The following MFSD6 variants were observed in gnomAD, a reference collection of about 807,000 sequenced individuals.
MFSD6 encodes major facilitator superfamily domain-containing protein 6.
MFSD6 carries 26 observed loss-of-function variants against 56.3 expected under a neutral mutation model. The ratio of observed to expected loss-of-function variants is 0.46; its 90% CI spans 0.34 to 0.64. The LOEUF (loss-of-function observed/expected upper bound fraction) is 0.64, where lower values mean the gene tolerates loss of function less well. Ranked by LOEUF, MFSD6 falls within the 30% of genes least tolerant of loss-of-function variation. The pLI, the probability that MFSD6 is intolerant of heterozygous loss-of-function variation, is 0.01. For synonymous variants in MFSD6, 331 were observed against 366.9 expected, an observed-to-expected ratio of 0.90 and a Z score of 1.12; for missense variants, 750 against 986.2, an observed-to-expected ratio of 0.76 and a Z score of 3.21.
intron 4 of MFSD6, among the ~76,000 whole-genome samples, chr2:190,478,861 T>G (rs1688495893): frequency 6.6e-6 from 1 of 151,828 alleles, no homozygotes; most frequent in Non-Finnish European, 1.5e-5. Context: ...AAAGTCTGTC[T>G]CTTTATCCTA....
rs990946252 is a variant in MFSD6, at chr2:190,424,870, T to G, written c.-54+9457T>G. 2.0e-5 allele frequency among the ~76,000 whole-genome samples: 3 copies of G among 152,244 alleles called. No homozygotes were observed. The South Asian group carries it at 6.2e-4, about 32-fold the overall frequency. ...TCTTTTTCAAAACTGCTTTAGCTAT[T>G]CGTTTCTTTCCTTTTCTGTATAAAT... On this transcript the variant is annotated intron_variant, in intron 2 of 7. Coordinates refer to ENST00000392328, the MANE Select transcript of MFSD6 (RefSeq NM_017694.4). The surrounding 1 kb of genome is among the most constrained non-coding windows in gnomAD (Gnocchi z 5.9).
rs553660736 is a variant in MFSD6, at chr2:190,428,347, A to G, written c.-53-7630A>G. 6.6e-5 allele frequency among the ~76,000 whole-genome samples: 10 copies of G among 152,310 alleles called. No homozygotes were observed. In the East Asian group the frequency reaches 1.7e-3, roughly 26 times the overall value. On this transcript the variant is annotated intron_variant, in intron 2 of 7. Transcript: ENST00000392328. ...AATATACATATCTTTTGGTTGTCAT[A>G]GGGTCTTACACTCAGGATTAGTAGC...
intron 4 of MFSD6, among the ~76,000 whole-genome samples, chr2:190,480,581 C>G (rs985920136): frequency 6.6e-6 from 1 of 152,216 alleles, no homozygotes; most frequent in Non-Finnish European, 1.5e-5. Flanking sequence ...CTTATACCCT[C>G]ACCTCACTCT....
Position 190,454,961 on chromosome 2 carries a change from T to C in MFSD6, c.1533-14797T>C, listed in dbSNP as rs1000177605. On this transcript the variant is annotated intron_variant, in intron 3 of 7. Coordinates refer to ENST00000392328, the MANE Select transcript of MFSD6 (RefSeq NM_017694.4). This position sits in a 1 kb window ranked among gnomAD's most constrained non-coding sequence, Gnocchi z 4.6. ...GTATATGTATATGTATATGTATATG[T>C]ATATGTATATGTATATGTATATGTA... Among the ~76,000 whole-genome samples, 3 of 109,248 alleles carry C rather than the reference T, an allele frequency of 2.7e-5. No individual in the cohort carries two copies. Among genetic ancestry groups the C allele is most frequent in the Non-Finnish European group, 6.6e-5 (3 of 45,760 alleles). 71.7% of individuals were successfully genotyped at this position (109,248 alleles called of 152,430 possible). A position where few individuals can be genotyped will look rare whatever the true frequency, so the allele number is the denominator to read the frequency against.
rs1188819614 is a variant in MFSD6, at chr2:190,436,944, T to C, written c.915T>C (p.Ser305=). The C allele has an allele frequency of 6.2e-7, 1 of 1,614,228 alleles. No individual in the cohort carries two copies. Among genetic ancestry groups the C allele is most frequent in the Admixed American group, 1.7e-5 (1 of 60,028 alleles). The part of the protein sequence containing the change: ...VIIGEFFSAS[S]VTIVDTVTLQ... ...TAGGAGAATTTTTCAGTGCCTCTTCTGTCACAATCGTAGACACGGTCACAC... is the reference window on the plus strand; with the variant it reads ...TAGGAGAATTTTTCAGTGCCTCTTCCGTCACAATCGTAGACACGGTCACAC... The change falls in exon 3 of 8, where the codon TCT becomes TCC. Residue 305 remains serine, a synonymous_variant. Transcript: ENST00000392328. The surrounding 1 kb of genome is among the most constrained non-coding windows in gnomAD (Gnocchi z 5.3).
chr2:190,474,953 C>T (rs1159758632), intron 4 of MFSD6, among the ~76,000 whole-genome samples: 12 of 152,256 alleles, frequency 7.9e-5, no homozygotes, highest in Non-Finnish European at 1.5e-5. Context: ...TAAACAGAAC[C>T]AAAGACAAAA....
intron 3 of MFSD6, among the ~76,000 whole-genome samples, chr2:190,449,063 G>T (rs1686681563): frequency 2.6e-5 from 4 of 152,176 alleles, no homozygotes; most frequent in African/African-American, 9.7e-5. Flanking sequence ...CATATTGTCT[G>T]TCTATATTTT....
Position 190,494,867 on chromosome 2 carries a change from T to C in MFSD6, c.1892-2572T>C, listed in dbSNP as rs986593466. On this transcript the variant is annotated intron_variant, in intron 6 of 7. Transcript: ENST00000392328. The surrounding 1 kb of genome is among the most constrained non-coding windows in gnomAD (Gnocchi z 5.7). ...ACATAACACAGTGAAATAAAAGCCA[T>C]TTGTGATAAACCCACAGCCAACATA... 6.6e-6 allele frequency among the ~76,000 whole-genome samples: 1 copy of C among 152,128 alleles called. No individual in the cohort carries two copies. Among genetic ancestry groups the C allele is most frequent in the Non-Finnish European group, 1.5e-5 (1 of 68,000 alleles).
chr2:190,435,701 C>T (rs371340919), intron 2 of MFSD6, among the ~76,000 whole-genome samples: 43 of 152,296 alleles, frequency 2.8e-4, no homozygotes, highest in African/African-American at 3.1e-4. Flanking sequence ...TGTACATTTT[C>T]CCTGGGAATC....
intron 4 of MFSD6, among the ~76,000 whole-genome samples, chr2:190,476,291 T>A (rs1351174296): frequency 6.6e-6 from 1 of 151,832 alleles, no homozygotes; most frequent in Non-Finnish European, 1.5e-5. Flanking sequence ...TGGGAGAAAA[T>A]TTTTGCAATC....
chr2:190,496,122 C>T lies in MFSD6; in HGVS notation c.1892-1317C>T, dbSNP rs113167729. On this transcript the variant is annotated intron_variant, in intron 6 of 7. Transcript: ENST00000392328. This position sits in a 1 kb window ranked among gnomAD's most constrained non-coding sequence, Gnocchi z 4.7. ...AAGGACTAATATCCAGAATCTATGACGAACTCAAACAAATTAGCAAGAAAA... is the reference window on the plus strand; with the variant it reads ...AAGGACTAATATCCAGAATCTATGATGAACTCAAACAAATTAGCAAGAAAA... 1.5e-4 allele frequency among the ~76,000 whole-genome samples: 23 copies of T among 151,286 alleles called. No homozygotes were observed. In the East Asian group the frequency reaches 4.1e-3, roughly 27 times the overall value.
At position 190,432,696 on chromosome 2, in the gene MFSD6, C is replaced by T. The variant is rs537513921; in HGVS notation, c.-53-3281C>T. Reference sequence around the variant, plus strand: ...CCTCCTAAAGTGCTTGAATTACAGGCGTGAGCCACCGCACCTGGCCAAAAT... The same window carrying T: ...CCTCCTAAAGTGCTTGAATTACAGGTGTGAGCCACCGCACCTGGCCAAAAT... On this transcript the variant is annotated intron_variant, in intron 2 of 7. Coordinates refer to ENST00000392328, the MANE Select transcript of MFSD6 (RefSeq NM_017694.4). Among the ~76,000 whole-genome samples the T allele has an allele frequency of 3.7e-4, 57 of 152,206 alleles. No homozygotes were observed. The South Asian group carries it at 9.3e-3, about 25-fold the overall frequency.
chr2:190,420,899 CT>C (rs1685586716), intron 2 of MFSD6, among the ~76,000 whole-genome samples: 1 of 152,130 alleles, frequency 6.6e-6, no homozygotes, highest in Non-Finnish European at 1.5e-5. Flanking sequence ...ATAAAAGTTA[CT>C]GTCTATGACA....
rs1193725825 is a variant in MFSD6 at position 190,498,066 on chromosome 2, CATTAT to C, written c.2172+354_2172+358del. 5.1e-6 allele frequency: 1 copy of C among 196,536 alleles called. No homozygotes were observed. Among genetic ancestry groups the C allele is most frequent in the Admixed American group, 5.3e-5 (1 of 18,920 alleles). 12.2% of individuals were successfully genotyped at this position (196,536 alleles called of 1,614,324 possible). A position where few individuals can be genotyped will look rare whatever the true frequency, so the allele number is the denominator to read the frequency against. On this transcript the variant is annotated intron_variant, in intron 7 of 7. Transcript: ENST00000392328. The surrounding 1 kb of genome is among the most constrained non-coding windows in gnomAD (Gnocchi z 5.9). ...TGTAATTCCAAAATTCTAGTGGGGG[CATTAT>C]ATTATAGGACCACAATAAATATTTG...
At position 190,412,309 on chromosome 2, in the gene MFSD6, A is replaced by G; in HGVS notation, c.-175-2983A>G. 1.0e-6 allele frequency: 1 copy of G among 984,006 alleles called. No homozygotes were observed. The highest frequency in any genetic ancestry group is 1.7e-5 in the African/African-American group (1 of 57,322). The allele number at this position is 984,006 out of a possible 1,614,324, so 61.0% of individuals were successfully genotyped here. On this transcript the variant is annotated intron_variant, in intron 1 of 7. Coordinates refer to ENST00000392328, the MANE Select transcript of MFSD6 (RefSeq NM_017694.4). This position sits in a 1 kb window ranked among gnomAD's most constrained non-coding sequence, Gnocchi z 4.1. The stretch of plus-strand genomic sequence containing the variant: ...TAATCTTGAGAAAGAGGGAATTGTA[A>G]AAGTATTTTACAGAAGAGATATTCT...
At chr2:190,430,442 CA>C (rs1482138211) in intron 2 of MFSD6, among the ~76,000 whole-genome samples, 5 of 151,382 alleles carry the variant, frequency 3.3e-5, no homozygotes, top group Admixed American at 3.3e-4. Flanking sequence ...ATCTGTTTAA[CA>C]AAGCACATCT....
chr2:190,480,608 A>G (rs1344812487), intron 4 of MFSD6, among the ~76,000 whole-genome samples: 2 of 152,248 alleles, frequency 1.3e-5, no homozygotes, highest in Non-Finnish European at 2.9e-5. Context: ...TAGCTGAGGC[A>G]GATTACCAAA....
At chr2:190,479,042 T>C (rs1162447658) in intron 4 of MFSD6, among the ~76,000 whole-genome samples, 1 of 152,212 alleles carries the variant, frequency 6.6e-6, no homozygotes, top group East Asian at 1.9e-4. Context: ...CCTTGTTATC[T>C]TCAGTCTTGC....
rs1415324842 is a variant in MFSD6, at chr2:190,496,878, A to C, written c.1892-561A>C. ...TAGGCTATGAGGATGCAAAGGCATA[A>C]GAATGATATGATGGACTTTGGGGAC... On this transcript the variant is annotated intron_variant, in intron 6 of 7. Coordinates refer to ENST00000392328, the MANE Select transcript of MFSD6 (RefSeq NM_017694.4). The surrounding 1 kb of genome is among the most constrained non-coding windows in gnomAD (Gnocchi z 4.7). 1.4e-4 allele frequency among the ~76,000 whole-genome samples: 22 copies of C among 152,216 alleles called. No individual in the cohort carries two copies. The highest frequency in any genetic ancestry group is 1.4e-3 in the Admixed American group (22 of 15,284).
Sources: gnomAD v4.1 joint callset for allele counts (sites outside exome capture counted in the v4.1 genomes callset) on GRCh38, gnomAD v4.1.1 for gene constraint, Gnocchi (gnomAD v3.1) non-coding constraint, MANE v1.5 for transcripts, NCBI Gene and HGNC (gene_info 2026-07-23, HGNC 2026-07-21) for gene names.